RTN3: variants seen among roughly 807,000 people sequenced by gnomAD.
RTN3 encodes the protein reticulon 3.
A neutral mutation model predicts 77.8 loss-of-function variants in RTN3; 49 were observed. The observed-to-expected ratio is 0.63, with a 90% CI of 0.50 to 0.80. RTN3 has a LOEUF of 0.80. RTN3 is among the 30% of genes least tolerant of loss of function. RTN3 has a pLI of 0.00. For synonymous variants in RTN3, 464 were observed against 446.9 expected (o/e 1.04, Z -0.48); for missense variants, 1,236 against 1,211.9 (o/e 1.02, Z -0.29).
intron 2 of RTN3, among the ~76,000 whole-genome samples, chr11:63,712,748 G>C (rs765202717): frequency 1.6e-4 from 24 of 152,084 alleles, no homozygotes; most frequent in Non-Finnish European, 3.5e-4. Context: ...GGCCCCCAAA[G>C]TGCTGGGATT....
In RTN3 at chr11:63,720,675, G is replaced by T; in HGVS notation, c.2173G>T (p.Val725Phe). 6.2e-7 allele frequency: 1 copy of T among 1,614,170 alleles called. No homozygotes were observed. The highest frequency in any genetic ancestry group is 8.5e-7 in the Non-Finnish European group (1 of 1,180,022). ...KETNGSEPLG[V>F]FPTQGTPVAS... is the part of the protein sequence containing the mutation. ...AACAAATGGAAGTGAGCCTCTAGGT[G>T]TTTTCCCTACCCAAGGTACTCCAGT... Residue 725 changes from valine to phenylalanine, a missense_variant, in exon 3 of 9, where the codon GTT (valine) becomes TTT (phenylalanine). Val to Phe is a conservative substitution (Grantham distance 50, BLOSUM62 -1). This residue lies in a region of RTN3 where 1,056 missense variants were observed against 990.4 expected (regional missense o/e 1.07). Transcript: ENST00000377819.
intron 1 of RTN3, among the ~76,000 whole-genome samples, chr11:63,701,120 G>A (rs1275322476): frequency 1.3e-5 from 2 of 149,634 alleles, no homozygotes; most frequent in Non-Finnish European, 3.0e-5. Context: ...TCAGCTTTTA[G>A]TGCTCATATA....
At chr11:63,687,020 T>C (rs1941411631) in intron 1 of RTN3, among the ~76,000 whole-genome samples, 2 of 152,340 alleles carry the variant, frequency 1.3e-5, no homozygotes, top group South Asian at 4.1e-4. Flanking sequence ...ATGGCTTCAT[T>C]TTCACACTTT....
chr11:63,751,730 G>A (rs564211874), intron 4 of RTN3, among the ~76,000 whole-genome samples: 190 of 152,232 alleles, frequency 1.2e-3, no homozygotes, highest in African/African-American at 3.8e-3. Context: ...GGTGACTTAC[G>A]CATGTAGTCT....
chr11:63,740,671 A>T (rs2013413956), intron 3 of RTN3, among the ~76,000 whole-genome samples: 1 of 151,556 alleles, frequency 6.6e-6, no homozygotes, highest in Admixed American at 6.6e-5. Context: ...AATTCAAGCG[A>T]TCCTCCAGCC....
chr11:63,689,102 T>C (rs1456048919), intron 1 of RTN3, among the ~76,000 whole-genome samples: 2 of 152,206 alleles, frequency 1.3e-5, no homozygotes, highest in East Asian at 3.8e-4. Flanking sequence ...GAATTTAGCC[T>C]CCTAAAGTAT....
intron 3 of RTN3, among the ~76,000 whole-genome samples, chr11:63,743,920 CACAA>C (rs1333842384): frequency 6.6e-6 from 1 of 151,474 alleles, no homozygotes; most frequent in African/African-American, 2.4e-5. Context: ...CGTCTCAAAA[CACAA>C]ACAAAAACTT....
Position 63,750,206 on chromosome 11 carries a change from G to T in RTN3, c.2738+8G>T, listed in dbSNP as rs1167043884. On this transcript the variant is annotated splice_region_variant and intron_variant, in intron 4 of 8. Coordinates refer to ENST00000377819, the MANE Select transcript of RTN3 (RefSeq NM_001265589.2). Reference sequence around the variant, plus strand: ...AGAAGGCCATCCATTCAAGTGAGTTGAAGTCTTAAAAGCAACATTCTACAT... The same window carrying T: ...AGAAGGCCATCCATTCAAGTGAGTTTAAGTCTTAAAAGCAACATTCTACAT... The T allele has an allele frequency of 5.0e-6, 8 of 1,606,950 alleles. No homozygotes were observed. The African/African-American group carries it at 1.1e-4, about 21-fold the overall frequency.
At chr11:63,708,366 C>T (rs996102956) in intron 2 of RTN3, among the ~76,000 whole-genome samples, 2 of 152,100 alleles carry the variant, frequency 1.3e-5, no homozygotes, top group African/African-American at 4.8e-5. Flanking sequence ...GACAAGGTCT[C>T]ACTAGATTGC....
intron 1 of RTN3, among the ~76,000 whole-genome samples, chr11:63,698,212 T>C (rs511819): frequency 0.13 from 19,759 of 151,980 alleles, 1,398 homozygotes; most frequent in South Asian, 0.16. Flanking sequence ...CCACCTCCGC[T>C]TCCTGGGCTC....
chr11:63,719,625 C>G lies in RTN3; in HGVS notation c.1123C>G (p.Pro375Ala), dbSNP rs1484835139. The change falls in exon 3 of 9, where the codon CCA (proline) becomes GCA (alanine). Residue 375 changes from proline (P) to alanine (A), a missense_variant. Physicochemically the swap from Pro to Ala is conservative, Grantham distance 27. This residue lies in a region of RTN3 where 1,056 missense variants were observed against 990.4 expected (regional missense o/e 1.07). Coordinates refer to ENST00000377819, the MANE Select transcript of RTN3 (RefSeq NM_001265589.2). ...LDMSEYNSEI[P>A]VVNLKTSTHQ... ...CATGAGTGAATATAATTCAGAAATTCCAGTTGTAAATCTTAAAACTAGCAC... is the reference window on the plus strand; with the variant it reads ...CATGAGTGAATATAATTCAGAAATTGCAGTTGTAAATCTTAAAACTAGCAC... The G allele has an allele frequency of 2.5e-6, 4 of 1,613,514 alleles. No homozygotes were observed. Among genetic ancestry groups the G allele is most frequent in the Admixed American group, 1.7e-5 (1 of 59,944 alleles).
At chr11:63,716,044 T>C (rs1404735623) in intron 2 of RTN3, among the ~76,000 whole-genome samples, 2 of 152,176 alleles carry the variant, frequency 1.3e-5, no homozygotes, top group African/African-American at 4.8e-5. Context: ...TTACTTCAAG[T>C]GTTTTGTTTT....
chr11:63,741,361 C>T (rs1046837294), intron 3 of RTN3, among the ~76,000 whole-genome samples: 1 of 151,368 alleles, frequency 6.6e-6, no homozygotes, highest in African/African-American at 2.4e-5. Flanking sequence ...TGCCACCACG[C>T]CTGGCTAATT....
Position 63,758,399 on chromosome 11 carries a change from A to G in RTN3, c.*198A>G. 6.8e-7 allele frequency: 1 copy of G among 1,467,992 alleles called. No homozygotes were observed. The highest frequency in any genetic ancestry group is 9.3e-7 in the Non-Finnish European group (1 of 1,072,820). 90.9% of individuals were successfully genotyped at this position (1,467,992 alleles called of 1,614,324 possible). On this transcript the variant is annotated 3_prime_UTR_variant, in exon 9 of 9. Transcript: ENST00000377819. ...CAAAAATTGATGGACTGATAAAAGA[A>G]CTATCTTAGAACTCAGAAGAAGAAA...
At chr11:63,686,446 G>C (rs922577993) in intron 1 of RTN3, among the ~76,000 whole-genome samples, 1 of 146,406 alleles carries the variant, frequency 6.8e-6, no homozygotes. Flanking sequence ...ACTCCGGCCT[G>C]GGGGACAGAG....
intron 2 of RTN3, among the ~76,000 whole-genome samples, chr11:63,717,551 C>T (rs954703360): frequency 1.7e-4 from 26 of 151,470 alleles, no homozygotes; most frequent in Admixed American, 6.6e-5. Flanking sequence ...CCACGCCCGG[C>T]TAATTTTTTT....
At chr11:63,700,345 G>C (rs955507321) in intron 1 of RTN3, among the ~76,000 whole-genome samples, 1 of 149,008 alleles carries the variant, frequency 6.7e-6, no homozygotes, top group African/African-American at 2.5e-5. Flanking sequence ...GTGTGATCAC[G>C]GTTCACTGCA....
chr11:63,683,655 TAATTGGCACCTA>T (rs1158228391), intron 1 of RTN3, among the ~76,000 whole-genome samples: 1 of 152,204 alleles, frequency 6.6e-6, no homozygotes, highest in Non-Finnish European at 1.5e-5. Context: ...TACCACAACC[TAATTGGCACCTA>T]AATTGGCAAT....
intron 3 of RTN3, among the ~76,000 whole-genome samples, chr11:63,728,358 T>G (rs2012428900): frequency 6.6e-6 from 1 of 152,112 alleles, no homozygotes; most frequent in Admixed American, 6.6e-5. Flanking sequence ...TAGGATAAAT[T>G]TATCTGATAC....
Sources: allele counts gnomAD v4.1 joint callset (sites outside exome capture counted in the v4.1 genomes callset), GRCh38; gene constraint gnomAD v4.1.1; regional missense constraint gnomAD v4.1.1; transcripts MANE v1.5; gene names NCBI Gene and HGNC (gene_info 2026-07-23, HGNC 2026-07-21).